Variants in RIPPLY1 observed in about 807,000 individuals in gnomAD.
The protein encoded by RIPPLY1 is protein ripply1.
Under a neutral mutation model 8.7 loss-of-function variants are expected in RIPPLY1, and 10 were observed. The ratio of observed to expected loss-of-function variants is 1.15; its 90% CI spans 0.71 to 1.94. RIPPLY1 has a LOEUF of 1.94. Among genes scored for constraint, RIPPLY1 ranks in the 30% most tolerant of loss-of-function variants. The pLI is 0.00. For missense variants in RIPPLY1, 118 were observed against 108.7 expected (o/e 1.09, Z -0.38); for synonymous variants, 54 against 44.8 (o/e 1.20, Z -0.82).
At chrX:106,901,128 G>C (rs887732392) in intron 3 of RIPPLY1, among the ~76,000 whole-genome samples, 10 of 112,078 alleles carry the variant, frequency 8.9e-5, no homozygotes, top group Non-Finnish European at 1.1e-4. Flanking sequence ...TGGTTGGGTC[G>C]GGGGCCAGCC....
At chrX:106,901,566 C>T in intron 2 of RIPPLY1, 28 bp from the exon 3 acceptor site, 1 of 1,199,442 alleles carries the variant, frequency 8.3e-7, no homozygotes, top group Non-Finnish European at 1.1e-6. Flanking sequence ...TAGCATGTGG[C>T]TCAAAGTACA....
chrX:106,901,374 G>C, intron 3 of RIPPLY1, 100 bp downstream of exon 3: 2 of 827,617 alleles, frequency 2.4e-6, no homozygotes, highest in Admixed American at 4.7e-5. Flanking sequence ...AGCGATCATA[G>C]ATAGCAATTC....
At position 106,900,845 on chromosome X, in the gene RIPPLY1, C is replaced by A. The variant is rs1225931793; in HGVS notation, c.360G>T (p.Gln120His). The change falls in exon 4 of 4, where the codon CAG (glutamine) becomes CAT (histidine). Residue 120 changes from glutamine (Q) to histidine (H), a missense_variant. Transcript: ENST00000276173. ...YLYSAGEILL[Q>H]NFPVQATINL... ...TGATGGTTGCCTGGACAGGAAAGTT[C>A]TGCAGTAAAATCTCCCCAGCACTGT... 8.3e-7 allele frequency: 1 copy of A among 1,209,870 alleles called. No individual in the cohort carries two copies. Among genetic ancestry groups the A allele is most frequent in the East Asian group, 3.0e-5 (1 of 33,768 alleles).
In RIPPLY1 at chrX:106,900,784, C is replaced by A; in HGVS notation, c.421G>T (p.Glu141Ter). ...YEDSDSEEEE[E>*]DEEQEDEEEK ...TCTTCATCCTCCTGCTCTTCATCTT[C>A]CTCTTCTTCTTCGCTGTCTGAGTCC... The change falls in exon 4 of 4, where the codon GAA (glutamate) becomes TAA (stop). Residue 141 changes from glutamate (E) to a stop codon, truncating the protein, a stop_gained. Transcript: ENST00000276173. LOFTEE classifies it high-confidence loss of function. The A allele has an allele frequency of 8.3e-7, 1 of 1,211,142 alleles. No homozygotes were observed. The highest frequency in any genetic ancestry group is 1.1e-6 in the Non-Finnish European group (1 of 895,130).
intron 2 of RIPPLY1, 53 bp from the exon 3 acceptor site, chrX:106,901,591 C>G (rs893939105): frequency 8.8e-7 from 1 of 1,130,814 alleles, no homozygotes; most frequent in African/African-American, 1.8e-5. Context: ...TAGATAACTT[C>G]CTCCTCTGTA....
At position 106,900,799 on chromosome X, in the gene RIPPLY1, T is replaced by C. The variant is rs752054313; in HGVS notation, c.406A>G (p.Ser136Gly). The C allele has an allele frequency of 8.3e-7, 1 of 1,209,895 alleles. No individual in the cohort carries two copies. The highest frequency in any genetic ancestry group is 1.1e-6 in the Non-Finnish European group (1 of 895,116). ...ATINLYEDSDSEEEEEDEEQE... is the reference protein window; with the variant it reads ...ATINLYEDSDGEEEEEDEEQE... Reference sequence around the variant, plus strand: ...TCTTCATCTTCCTCTTCTTCTTCGCTGTCTGAGTCCTCGTATAGGTTGATG... The same window carrying C: ...TCTTCATCTTCCTCTTCTTCTTCGCCGTCTGAGTCCTCGTATAGGTTGATG... The change falls in exon 4 of 4, where the codon AGC (serine) becomes GGC (glycine). Residue 136 changes from serine to glycine, a missense_variant. Coordinates refer to ENST00000276173, the MANE Select transcript of RIPPLY1 (RefSeq NM_138382.3).
rs1340649649 is a variant in RIPPLY1 at position 106,903,198 on chromosome X, T to TGC, written c.88_89dup (p.Leu31HisfsTer6). 12 of 1,209,028 alleles carry TGC rather than the reference T, an allele frequency of 9.9e-6. No individual in the cohort carries two copies. Among genetic ancestry groups the TGC allele is most frequent in the Non-Finnish European group, 1.3e-5 (12 of 894,616 alleles). On this transcript the variant is annotated frameshift_variant, in exon 1 of 4. Transcript: ENST00000276173. LOFTEE classifies it high-confidence loss of function. ...AAGATGGGCTTAACAGGCCAGGGAG[T>TGC]GCCAGTGGGGCTTGTGCTAGGTCTG...
chrX:106,900,661 G>C lies in RIPPLY1; in HGVS notation c.*88C>G. The C allele has an allele frequency of 8.9e-7, 1 of 1,125,234 alleles. No homozygotes were observed. The highest frequency in any genetic ancestry group is 1.2e-6 in the Non-Finnish European group (1 of 851,634). 92.7% of individuals were successfully genotyped at this position (1,125,234 alleles called of 1,213,427 possible). A position where few individuals can be genotyped will look rare whatever the true frequency, so the allele number is the denominator to read the frequency against. Reference sequence around the variant, plus strand: ...TGGCTGCCTCCATTTGGATAGGTTAGGGGTGAGGAAGGGGGATGAGCTGTG... The same window carrying C: ...TGGCTGCCTCCATTTGGATAGGTTACGGGTGAGGAAGGGGGATGAGCTGTG... On this transcript the variant is annotated 3_prime_UTR_variant, in exon 4 of 4. Transcript: ENST00000276173.
Position 106,903,188 on chromosome X carries a change from G to A in RIPPLY1, c.100C>T (p.Leu34=), listed in dbSNP as rs1030062506. 8.3e-7 allele frequency: 1 copy of A among 1,211,059 alleles called. No individual in the cohort carries two copies. The highest frequency in any genetic ancestry group is 1.1e-6 in the Non-Finnish European group (1 of 894,985). ...LAQAPLALPG[L]LSPSCLLSSG... is the part of the protein sequence containing the mutation. Reference sequence around the variant, plus strand: ...GAGAGAAGGCAAGATGGGCTTAACAGGCCAGGGAGTGCCAGTGGGGCTTGT... The same window carrying A: ...GAGAGAAGGCAAGATGGGCTTAACAAGCCAGGGAGTGCCAGTGGGGCTTGT... The change falls in exon 1 of 4, where the codon CTG becomes TTG. Residue 34 remains leucine (L), a synonymous_variant. Transcript: ENST00000276173.
chrX:106,903,216 T>C lies in RIPPLY1; in HGVS notation c.72A>G (p.Leu24=). The C allele has an allele frequency of 8.3e-7, 1 of 1,210,866 alleles. No homozygotes were observed. The highest frequency in any genetic ancestry group is 1.1e-6 in the Non-Finnish European group (1 of 894,863). The part of the protein sequence containing the change: ...PALALALAPD[L]AQAPLALPGL... ...CAGGGAGTGCCAGTGGGGCTTGTGC[T>C]AGGTCTGGAGCTAGGGCCAAAGCCA... The change falls in exon 1 of 4, where the codon CTA becomes CTG. Residue 24 remains leucine (L), a synonymous_variant. Transcript: ENST00000276173.
rs187005190 is a variant in RIPPLY1, at chrX:106,900,812, G to C, written c.393C>G (p.Tyr131Ter). 5.0e-6 allele frequency: 6 copies of C among 1,209,489 alleles called. No homozygotes were observed. The highest frequency in any genetic ancestry group is 6.7e-6 in the Non-Finnish European group (6 of 895,012). Residue 131 changes from tyrosine to a stop codon, truncating the protein, a stop_gained, in exon 4 of 4, where the codon TAC (tyrosine) becomes TAG (stop). Transcript: ENST00000276173. LOFTEE classifies it high-confidence loss of function. ...NFPVQATINL[Y>*]EDSDSEEEEE... is the part of the protein sequence containing the mutation. Reference sequence around the variant, plus strand: ...CTTCTTCTTCGCTGTCTGAGTCCTCGTATAGGTTGATGGTTGCCTGGACAG... The same window carrying C: ...CTTCTTCTTCGCTGTCTGAGTCCTCCTATAGGTTGATGGTTGCCTGGACAG...
chrX:106,901,768 A>C (rs1004719838), intron 2 of RIPPLY1, among the ~76,000 whole-genome samples: 7 of 111,515 alleles, frequency 6.3e-5, no homozygotes, highest in African/African-American at 2.3e-4. Flanking sequence ...CCTCTGTTCC[A>C]GCACCTGTTT....
chrX:106,903,008 G>A (rs369373610), intron 1 of RIPPLY1, 125 bp downstream of exon 1: 3 of 688,496 alleles, frequency 4.4e-6, no homozygotes. Context: ...TGAGGAGGGA[G>A]GGCTATGAGG....
chrX:106,900,881 G>A lies in RIPPLY1; in HGVS notation c.324C>T (p.Phe108=), dbSNP rs776291555. Reference sequence around the variant, plus strand: ...TCTCCCCAGCACTGTACAGATAGTCGAAGGAGCGGGATTTAGGCCAGAAGA... The same window carrying A: ...TCTCCCCAGCACTGTACAGATAGTCAAAGGAGCGGGATTTAGGCCAGAAGA... The part of the protein sequence containing the change: ...VRLFWPKSRS[F]DYLYSAGEIL... Residue 108 remains phenylalanine, a synonymous_variant, in exon 4 of 4, where the codon TTC becomes TTT. Coordinates refer to ENST00000276173, the MANE Select transcript of RIPPLY1 (RefSeq NM_138382.3). 1.8e-4 allele frequency: 221 copies of A among 1,209,115 alleles called. No individual in the cohort carries two copies. The highest frequency in any genetic ancestry group is 2.8e-4 in the Admixed American group (13 of 45,741).
intron 3 of RIPPLY1, among the ~76,000 whole-genome samples, 180 bp from the exon 4 acceptor site, chrX:106,901,088 G>A (rs947892550): frequency 9.8e-5 from 11 of 112,330 alleles, no homozygotes; most frequent in African/African-American, 2.6e-4. Flanking sequence ...GTGGCCCCAC[G>A]CAGGAAGGTA....
intron 1 of RIPPLY1, among the ~76,000 whole-genome samples, chrX:106,902,787 C>T (rs1259466519): frequency 4.5e-5 from 5 of 112,218 alleles, no homozygotes; most frequent in Non-Finnish European, 9.4e-5. Context: ...CTTTGGTCCT[C>T]TTTCCCCAAA....
At position 106,903,205 on chromosome X, in the gene RIPPLY1, G is replaced by A. The variant is rs771369948; in HGVS notation, c.83C>T (p.Pro28Leu). The A allele has an allele frequency of 1.7e-6, 2 of 1,211,166 alleles. No individual in the cohort carries two copies. The highest frequency in any genetic ancestry group is 2.2e-6 in the Non-Finnish European group (2 of 895,005). The change falls in exon 1 of 4, where the codon CCA (proline) becomes CTA (leucine). Residue 28 changes from proline (P) to leucine (L), a missense_variant. By Grantham distance (98) the Pro-to-Leu change is moderately conservative (BLOSUM62 -3). Transcript: ENST00000276173. Reference sequence around the variant, plus strand: ...GCTTAACAGGCCAGGGAGTGCCAGTGGGGCTTGTGCTAGGTCTGGAGCTAG... The same window carrying A: ...GCTTAACAGGCCAGGGAGTGCCAGTAGGGCTTGTGCTAGGTCTGGAGCTAG... The part of the protein sequence containing the change: ...LALAPDLAQA[P>L]LALPGLLSPS...
At position 106,900,607 on chromosome X, in the gene RIPPLY1, G is replaced by T; in HGVS notation, c.*142C>A. On this transcript the variant is annotated 3_prime_UTR_variant, in exon 4 of 4. Coordinates refer to ENST00000276173, the MANE Select transcript of RIPPLY1 (RefSeq NM_138382.3). ...GGCTAACTGATGTCTGTGAAAACTT[G>T]CCAGACAAACTGAACCCCAATCAGA... 9.9e-7 allele frequency: 1 copy of T among 1,007,800 alleles called. No individual in the cohort carries two copies. Among genetic ancestry groups the T allele is most frequent in the Non-Finnish European group, 1.3e-6 (1 of 770,041 alleles). The allele number at this position is 1,007,800 out of a possible 1,213,427, so 83.1% of individuals were successfully genotyped here.
chrX:106,901,299 TAGAAA>T (rs1933089794), intron 3 of RIPPLY1, among the ~76,000 whole-genome samples, 170 bp downstream of exon 3: 1 of 111,092 alleles, frequency 9.0e-6, no homozygotes, highest in Non-Finnish European at 1.9e-5. Context: ...ACAATGCCTC[TAGAAA>T]AGACAGCCTT....
Sources: gnomAD v4.1 joint callset for allele counts (sites outside exome capture counted in the v4.1 genomes callset) on GRCh38, gnomAD v4.1.1 for gene constraint, MANE v1.5 for transcripts, NCBI Gene and HGNC (gene_info 2026-07-23, HGNC 2026-07-21) for gene names.